Variants in CLOCK observed in about 807,000 individuals in gnomAD.
CLOCK encodes circadian locomoter output cycles protein kaput.
Under a neutral mutation model 118.4 loss-of-function variants are expected in CLOCK, and 43 were observed. That is an observed-to-expected ratio of 0.36 (90% CI 0.28 to 0.47). CLOCK has a LOEUF of 0.47. Ranked by LOEUF, CLOCK falls within the 20% of genes least tolerant of loss-of-function variation. The pLI is 1.00. For missense variants in CLOCK, 846 were observed against 999.9 expected, an observed-to-expected ratio of 0.85 and a Z score of 2.08; for synonymous variants, 326 against 339.2, an observed-to-expected ratio of 0.96 and a Z score of 0.43.
chr4:55,474,119 A>G (rs1726327708), intron 7 of CLOCK, among the ~76,000 whole-genome samples: 1 of 152,228 alleles, frequency 6.6e-6, no homozygotes, highest in Non-Finnish European at 1.5e-5. Context: ...TCTTGCAACC[A>G]AACAAGTAGC....
chr4:55,525,478 AAAAAT>A (rs987090262), intron 1 of CLOCK, among the ~76,000 whole-genome samples: 2 of 152,288 alleles, frequency 1.3e-5, no homozygotes, highest in Middle Eastern at 3.4e-3. Context: ...TTGTCTCTAA[AAAAAT>A]AAAATAAAAT....
chr4:55,446,101 CTTTTTT>C (rs766235766), intron 18 of CLOCK, among the ~76,000 whole-genome samples: 1 of 107,372 alleles, frequency 9.3e-6, no homozygotes. Flanking sequence ...AATTTAACTT[CTTTTTT>C]TTTTTTTTTT....
intron 5 of CLOCK, among the ~76,000 whole-genome samples, chr4:55,479,328 C>T (rs1726753323): frequency 6.6e-6 from 1 of 151,972 alleles, no homozygotes; most frequent in Non-Finnish European, 1.5e-5. Context: ...AAGCAGTAAC[C>T]AGTAAACAAA....
intron 7 of CLOCK, among the ~76,000 whole-genome samples, chr4:55,472,768 T>A (rs1318426768): frequency 6.6e-6 from 1 of 151,692 alleles, no homozygotes; most frequent in Non-Finnish European, 1.5e-5. Context: ...GATCTGGATA[T>A]CACAAAGAAC....
At chr4:55,487,492 T>C (rs539296036) in intron 3 of CLOCK, among the ~76,000 whole-genome samples, 137 of 152,150 alleles carry the variant, frequency 9.0e-4, no homozygotes, top group African/African-American at 2.9e-3. Flanking sequence ...GCCTGAAGAG[T>C]ATAAAAACCT....
At chr4:55,507,578 C>T (rs1414351153) in intron 2 of CLOCK, among the ~76,000 whole-genome samples, 1 of 151,862 alleles carries the variant, frequency 6.6e-6, no homozygotes, top group African/African-American at 2.4e-5. Context: ...CACTGCACTC[C>T]AGCCTGGGTG....
Position 55,449,171 on chromosome 4 carries a change from TAA to T in CLOCK, c.1449+223_1449+224del, listed in dbSNP as rs5858334. ...CTATCAATTTTGAGCTTTCCACAAT[TAA>T]AAAAAAAAAAACTAACATTTTACTT... On this transcript the variant is annotated intron_variant, in intron 17 of 22. Transcript: ENST00000513440. 4.9e-3 allele frequency among the ~76,000 whole-genome samples: 720 copies of T among 148,286 alleles called. 5 individuals are homozygous for T. The highest frequency in any genetic ancestry group is 7.4e-3 in the Non-Finnish European group (493 of 66,844).
intron 1 of CLOCK, among the ~76,000 whole-genome samples, chr4:55,514,550 T>A (rs979184815): frequency 2.0e-5 from 3 of 150,354 alleles, no homozygotes; most frequent in African/African-American, 7.3e-5. Flanking sequence ...ATGTTCTTTC[T>A]CAAGTTGAAG....
intron 1 of CLOCK, among the ~76,000 whole-genome samples, chr4:55,536,457 C>T (rs1329025913): frequency 6.6e-6 from 1 of 152,088 alleles, no homozygotes; most frequent in African/African-American, 2.4e-5. Context: ...GTACCATCTC[C>T]TCGGTAATAA....
intron 1 of CLOCK, among the ~76,000 whole-genome samples, chr4:55,533,086 C>A (rs1239462985): frequency 1.3e-5 from 2 of 152,114 alleles, no homozygotes; most frequent in Non-Finnish European, 2.9e-5. Context: ...CTGTCAAATT[C>A]TCAATGACAT....
chr4:55,454,421 C>A (rs1340412929), intron 13 of CLOCK, among the ~76,000 whole-genome samples: 1 of 151,714 alleles, frequency 6.6e-6, no homozygotes, highest in African/African-American at 2.4e-5. Flanking sequence ...TTGAGACCAC[C>A]CTGGCTCACA....
chr4:55,465,187 T>C (rs1725652322), intron 8 of CLOCK, among the ~76,000 whole-genome samples: 1 of 152,184 alleles, frequency 6.6e-6, no homozygotes, highest in Admixed American at 6.5e-5. Flanking sequence ...TTCTAATCGT[T>C]CCCTAAACAC....
chr4:55,511,288 C>CTAGTA (rs146801481), intron 1 of CLOCK, among the ~76,000 whole-genome samples: 50,829 of 151,408 alleles, frequency 0.34, 9,156 homozygotes, highest in East Asian at 0.57. Context: ...TCCTATCTAT[C>CTAGTA]TAATTTTAAT....
At chr4:55,476,585 T>C (rs1472300303) in intron 6 of CLOCK, among the ~76,000 whole-genome samples, 1 of 152,160 alleles carries the variant, frequency 6.6e-6, no homozygotes, top group East Asian at 1.9e-4. Flanking sequence ...ACTAAATTAA[T>C]ATTTTATGCA....
chr4:55,540,181 T>C (rs1326636863), intron 1 of CLOCK, among the ~76,000 whole-genome samples: 1 of 151,930 alleles, frequency 6.6e-6, no homozygotes, highest in Admixed American at 6.6e-5. Flanking sequence ...CTAATTTTTG[T>C]ACTTTTAGTA....
Position 55,435,344 on chromosome 4 carries a change from T to A in CLOCK, c.*71A>T. ...ACTGCTGGAACTTTCCCTCCTTTCC[T>A]CAGGTCATCTGAGTAACTCTTAATG... On this transcript the variant is annotated 3_prime_UTR_variant, in exon 23 of 23. Coordinates refer to ENST00000513440, the MANE Select transcript of CLOCK (RefSeq NM_004898.4). The A allele has an allele frequency of 6.4e-7, 1 of 1,566,904 alleles. No individual in the cohort carries two copies. The highest frequency in any genetic ancestry group is 8.8e-7 in the Non-Finnish European group (1 of 1,138,898).
intron 8 of CLOCK, among the ~76,000 whole-genome samples, chr4:55,469,031 A>C (rs181514635): frequency 8.5e-5 from 13 of 152,362 alleles, no homozygotes; most frequent in African/African-American, 2.9e-4. Flanking sequence ...TTAGCACATA[A>C]AATTATATAC....
At chr4:55,534,445 G>A (rs1173567839) in intron 1 of CLOCK, among the ~76,000 whole-genome samples, 2 of 152,120 alleles carry the variant, frequency 1.3e-5, no homozygotes, top group South Asian at 2.1e-4. Context: ...CAGTCTATGT[G>A]CTGTTGTACT....
At chr4:55,473,222 C>G (rs62303717) in intron 7 of CLOCK, among the ~76,000 whole-genome samples, 1 of 150,402 alleles carries the variant, frequency 6.6e-6, no homozygotes, top group East Asian at 1.9e-4. Flanking sequence ...GACTCCGTCT[C>G]CCAAAAAAAA....
Sources: allele counts gnomAD v4.1 joint callset (sites outside exome capture counted in the v4.1 genomes callset), GRCh38; gene constraint gnomAD v4.1.1; transcripts MANE v1.5; gene names NCBI Gene and HGNC (gene_info 2026-07-23, HGNC 2026-07-21).